The following ROBO2 variants were observed in gnomAD, a reference collection of about 807,000 sequenced individuals.
The protein encoded by ROBO2 is roundabout homolog 2.
ROBO2 carries 53 observed loss-of-function variants against 160.8 expected under a neutral mutation model. The observed-to-expected ratio is 0.33, with a 90% CI of 0.26 to 0.41. The LOEUF is 0.41. Ranked by LOEUF, ROBO2 falls within the 10% of genes least tolerant of loss-of-function variation. ROBO2 has a pLI of 1.00. For missense variants in ROBO2, 1,577 were observed against 1,722.4 expected (o/e 0.92, Z 1.49); for synonymous variants, 664 against 611.7 (o/e 1.09, Z -1.26).
chr3:77,305,741 A>C (rs1029285961), intron 2 of ROBO2, among the ~76,000 whole-genome samples: 4 of 152,218 alleles, frequency 2.6e-5, no homozygotes, highest in Non-Finnish European at 4.4e-5. Context: ...CAAACCAAAA[A>C]AATCTTTGAA....
In ROBO2 at chr3:76,796,048, A is replaced by G. The variant is rs144346093; in HGVS notation, c.110-301966A>G. Among the ~76,000 whole-genome samples the G allele has an allele frequency of 1.4e-3, 216 of 152,200 alleles. 1 individual carries two copies. Among genetic ancestry groups the G allele is most frequent in the African/African-American group, 5.1e-3 (211 of 41,544 alleles). On this transcript the variant is annotated intron_variant, in intron 2 of 26. Transcript: ENST00000487694. ...TTGAAAGGAATCTTCTTTCTGAGCA[A>G]TAGGTCTCAAAATTGAGTTTAAAAT...
chr3:77,170,271 G>C (rs2079509378), intron 2 of ROBO2, among the ~76,000 whole-genome samples: 1 of 152,070 alleles, frequency 6.6e-6, no homozygotes, highest in Non-Finnish European at 1.5e-5. Flanking sequence ...GATAGTTCCA[G>C]ATAGTTATTG....
At chr3:76,690,601 G>A (rs2092780396) in intron 2 of ROBO2, among the ~76,000 whole-genome samples, 1 of 151,904 alleles carries the variant, frequency 6.6e-6, no homozygotes, top group Admixed American at 6.6e-5. Flanking sequence ...TTTTGTTACA[G>A]CAACACAGAC....
At chr3:76,291,880 G>A (rs562299802) in intron 2 of ROBO2, among the ~76,000 whole-genome samples, 5 of 151,948 alleles carry the variant, frequency 3.3e-5, no homozygotes, top group African/African-American at 1.2e-4. Context: ...GTCCAAGGGT[G>A]TAGTTGATAT....
intron 1 of ROBO2, among the ~76,000 whole-genome samples, chr3:77,047,398 A>T (rs1183025642): frequency 6.6e-6 from 1 of 152,160 alleles, no homozygotes; most frequent in African/African-American, 2.4e-5. Flanking sequence ...ATATAACGAT[A>T]TATAGGCAGG....
chr3:77,410,699 T>TCCTCCTCCTCCTCCTCTTCCTCCTCCTCC (rs1560758742), intron 2 of ROBO2, among the ~76,000 whole-genome samples: 4 of 41,008 alleles, frequency 9.8e-5, no homozygotes, highest in African/African-American at 2.4e-4. Flanking sequence ...CCTCCTCCTC[T>TCCTCCTCCTCCTCCTCTTCCTCCTCCTCC]TCCTCCTCCT....
intron 2 of ROBO2, among the ~76,000 whole-genome samples, chr3:77,143,269 G>A (rs1432399402): frequency 5.1e-5 from 7 of 137,618 alleles, no homozygotes; most frequent in Admixed American, 1.7e-4. Context: ...ATCTTGGCTC[G>A]CTGCAACCTC....
At chr3:76,708,235 C>G (rs2093212603) in intron 2 of ROBO2, among the ~76,000 whole-genome samples, 1 of 152,084 alleles carries the variant, frequency 6.6e-6, no homozygotes, top group African/African-American at 2.4e-5. Context: ...CTCTATACTT[C>G]TACATGATTG....
chr3:77,078,546 G>A (rs1288495350), intron 1 of ROBO2, among the ~76,000 whole-genome samples: 2 of 152,130 alleles, frequency 1.3e-5, no homozygotes, highest in Non-Finnish European at 2.9e-5. Flanking sequence ...TGGTGCTTTG[G>A]CATTCAAAAA....
intron 2 of ROBO2, among the ~76,000 whole-genome samples, chr3:77,311,457 A>C (rs887908779): frequency 2.6e-5 from 4 of 152,218 alleles, no homozygotes; most frequent in Admixed American, 2.6e-4. Context: ...TTTTGCTCTT[A>C]ACTCATCTAA....
chr3:76,119,992 C>T (rs549315270), intron 2 of ROBO2, among the ~76,000 whole-genome samples: 5 of 140,364 alleles, frequency 3.6e-5, no homozygotes, highest in Non-Finnish European at 7.6e-5. Flanking sequence ...TTCTTTCATT[C>T]TTTCTTTCTG....
At chr3:76,409,263 G>A (rs371371389) in intron 2 of ROBO2, among the ~76,000 whole-genome samples, 12 of 151,844 alleles carry the variant, frequency 7.9e-5, no homozygotes, top group Admixed American at 6.6e-4. Flanking sequence ...AGATTATGTC[G>A]GGCTGGCAGT....
chr3:76,054,763 A>C lies in ROBO2; in HGVS notation c.109+117161A>C, dbSNP rs190234745. Among the ~76,000 whole-genome samples the C allele has an allele frequency of 8.5e-5, 13 of 152,306 alleles. No homozygotes were observed. In the East Asian group the frequency reaches 2.5e-3, roughly 29 times the overall value. On this transcript the variant is annotated intron_variant, in intron 2 of 26. Coordinates refer to the ROBO2 transcript ENST00000487694. Reference sequence around the variant, plus strand: ...TGGAAGTTTGAAATGCATTTTTGGCATATTTTACCAGGGAAAGTTGGAGAG... The same window carrying C: ...TGGAAGTTTGAAATGCATTTTTGGCCTATTTTACCAGGGAAAGTTGGAGAG...
chr3:76,022,377 C>A (rs2066598544), intron 2 of ROBO2, among the ~76,000 whole-genome samples: 1 of 151,796 alleles, frequency 6.6e-6, no homozygotes, highest in Admixed American at 6.6e-5. Flanking sequence ...TGAATCCTTT[C>A]CAGAAGATTT....
intron 2 of ROBO2, among the ~76,000 whole-genome samples, chr3:76,865,133 T>TA (rs889228876): frequency 2.8e-4 from 41 of 147,196 alleles, no homozygotes; most frequent in East Asian, 1.2e-3. Context: ...CTTTTCTTTC[T>TA]AAAAAAAAAA....
intron 2 of ROBO2, among the ~76,000 whole-genome samples, chr3:76,213,018 C>T (rs1310500193): frequency 6.6e-6 from 1 of 152,080 alleles, no homozygotes; most frequent in Non-Finnish European, 1.5e-5. Flanking sequence ...ATCTCTTTAG[C>T]CACATTATGT....
intron 2 of ROBO2, among the ~76,000 whole-genome samples, chr3:76,374,662 C>T (rs2076257255): frequency 6.6e-6 from 1 of 151,942 alleles, no homozygotes; most frequent in South Asian, 2.1e-4. Context: ...TGTCCAACCC[C>T]TTAGCCTCTG....
intron 2 of ROBO2, among the ~76,000 whole-genome samples, chr3:76,578,830 C>T (rs2085474992): frequency 6.6e-6 from 1 of 152,154 alleles, no homozygotes; most frequent in Admixed American, 6.6e-5. Context: ...GAATTTCATA[C>T]TTCATATTTA....
intron 2 of ROBO2, among the ~76,000 whole-genome samples, chr3:75,986,557 G>A (rs632096): frequency 1 from 151,664 of 151,664 alleles, 75,832 homozygotes; most frequent in Non-Finnish European, 1. Context: ...ATCAAGTACA[G>A]TTTTTAATTT....
Sources: gnomAD v4.1 joint callset for allele counts (sites outside exome capture counted in the v4.1 genomes callset) on GRCh38, gnomAD v4.1.1 for gene constraint, MANE v1.5 for transcripts, NCBI Gene and HGNC (gene_info 2026-07-23, HGNC 2026-07-21) for gene names.